The following SBK2 variants were observed in gnomAD, a reference collection of about 807,000 sequenced individuals.
The protein encoded by SBK2 is SH3 domain binding kinase family member 2, also known as serine/threonine-protein kinase SBK2.
A neutral mutation model predicts 15.9 loss-of-function variants in SBK2; 18 were observed. That is an observed-to-expected ratio of 1.13 (90% CI 0.78 to 1.68). The LOEUF (loss-of-function observed/expected upper bound fraction) is 1.68. Among genes scored for constraint, SBK2 ranks in the 40% most tolerant of loss-of-function variants. SBK2 has a pLI of 0.00. For missense variants in SBK2, 581 were observed against 510.9 expected (o/e 1.14, Z -1.32); for synonymous variants, 284 against 246.8 (o/e 1.15, Z -1.41).
At chr19:55,535,279 C>A (rs116577248) in intron 2 of SBK2, among the ~76,000 whole-genome samples, 2 of 152,052 alleles carry the variant, frequency 1.3e-5, no homozygotes, top group Non-Finnish European at 2.9e-5. Context: ...TGGAAGGACA[C>A]GGTGCTTGGC....
intron 3 of SBK2, 45 bp downstream of exon 3, chr19:55,531,098 A>G (rs1204862371): frequency 6.4e-7 from 1 of 1,559,516 alleles, no homozygotes; most frequent in South Asian, 1.1e-5. Context: ...CGTTCCTGGG[A>G]GGCCGGTGAG....
chr19:55,530,027 G>GA lies in SBK2; in HGVS notation c.752dup (p.Leu252ProfsTer247). The stretch of plus-strand genomic sequence containing the variant: ...AGCCCGTGAGGAGGCAGAAGAGCAG[G>GA]ACGCCCAGCGCCCAGGCGTCCAGGG... On this transcript the variant is annotated frameshift_variant, in exon 4 of 4. Coordinates refer to ENST00000413299, the MANE Select transcript of SBK2 (RefSeq NM_001370096.2). LOFTEE classifies it low-confidence loss of function (END_TRUNC). 6.7e-7 allele frequency: 1 copy of GA among 1,503,420 alleles called. No homozygotes were observed. The highest frequency in any genetic ancestry group is 1.3e-5 in the South Asian group (1 of 79,634). 93.1% of individuals were successfully genotyped at this position (1,503,420 alleles called of 1,614,324 possible).
chr19:55,536,313 G>A lies in SBK2; in HGVS notation c.-2-17C>T. On this transcript the variant is annotated splice_polypyrimidine_tract_variant and intron_variant, in intron 1 of 3. Coordinates refer to ENST00000413299, the MANE Select transcript of SBK2 (RefSeq NM_001370096.2). ...CGGGCATCTCTGCGAGAACAGAGAG[G>A]GGTGCCCAGGCTCAGGTCCCAGGCC... The A allele has an allele frequency of 1.3e-6, 2 of 1,515,570 alleles. No homozygotes were observed. The highest frequency in any genetic ancestry group is 2.5e-5 in the East Asian group (1 of 39,550). The allele number at this position is 1,515,570 out of a possible 1,614,324, so 93.9% of individuals were successfully genotyped here.
Position 55,529,774 on chromosome 19 carries a change from C to T in SBK2, c.1006G>A (p.Ala336Thr), listed in dbSNP as rs753161813. The T allele has an allele frequency of 7.5e-6, 12 of 1,603,254 alleles. No homozygotes were observed. The highest frequency in any genetic ancestry group is 1.6e-4 in the Middle Eastern group (1 of 6,064). ...TCTTCCACCGCTCCCACTGCCTCCGCCTCGCCCTCCCGCTGCCTCCAGGGG... is the reference window on the plus strand; with the variant it reads ...TCTTCCACCGCTCCCACTGCCTCCGTCTCGCCCTCCCGCTGCCTCCAGGGG... The part of the protein sequence containing the change: ...GRPWRQREGE[A>T]EAVGAVEEEA... Residue 336 changes from alanine (A) to threonine (T), a missense_variant, in exon 4 of 4, where the codon GCG becomes ACG. Coordinates refer to ENST00000413299, the MANE Select transcript of SBK2 (RefSeq NM_001370096.2).
At position 55,529,661 on chromosome 19, in the gene SBK2, A is replaced by G. The variant is rs1599940148; in HGVS notation, c.*72T>C. ...CCCCATGGATGAAAACACACCGAGG[A>G]GACACCAAAAGCCGTTGGCCTTGGG... On this transcript the variant is annotated 3_prime_UTR_variant, in exon 4 of 4. Transcript: ENST00000413299. 5.2e-6 allele frequency: 8 copies of G among 1,537,792 alleles called. No individual in the cohort carries two copies. The highest frequency in any genetic ancestry group is 7.0e-6 in the Non-Finnish European group (8 of 1,149,464).
rs563121358 is a variant in SBK2, at chr19:55,528,993, T to C, written c.*740A>G. 6.6e-6 allele frequency among the ~76,000 whole-genome samples: 1 copy of C among 152,302 alleles called. No homozygotes were observed. Among genetic ancestry groups the C allele is most frequent in the Non-Finnish European group, 1.5e-5 (1 of 68,020 alleles). ...ACAGTAAGCATTTACAACGCGCAGC[T>C]GTAATCCCAGCACTGCGGGAGGCCG... On this transcript the variant is annotated 3_prime_UTR_variant, in exon 4 of 4. Coordinates refer to ENST00000413299, the MANE Select transcript of SBK2 (RefSeq NM_001370096.2).
chr19:55,531,877 G>T lies in SBK2; in HGVS notation c.254-532C>A, dbSNP rs576750912. Among the ~76,000 whole-genome samples, 57 of 152,154 alleles carry T rather than the reference G, an allele frequency of 3.7e-4. 1 individual carries two copies. In the East Asian group the frequency reaches 0.011, roughly 28 times the overall value. Reference sequence around the variant, plus strand: ...GCGTGTAATCCCAGCTACTTGGCCGGCTGAGGCAGGAGAATTGCTTGAACC... The same window carrying T: ...GCGTGTAATCCCAGCTACTTGGCCGTCTGAGGCAGGAGAATTGCTTGAACC... On this transcript the variant is annotated intron_variant, in intron 2 of 3. Transcript: ENST00000413299.
rs117553446 is a variant in SBK2, at chr19:55,533,786, C to T, written c.253+2256G>A. Among the ~76,000 whole-genome samples the T allele has an allele frequency of 3.3e-5, 5 of 151,958 alleles. No homozygotes were observed. The East Asian group carries it at 9.7e-4, about 29-fold the overall frequency. On this transcript the variant is annotated intron_variant, in intron 2 of 3. Coordinates refer to ENST00000413299, the MANE Select transcript of SBK2 (RefSeq NM_001370096.2). Reference sequence around the variant, plus strand: ...TGGGGTCTCTTCTGCGTGTTCACAGCGCTCCTGATCACTGCCGCCACGGCC... The same window carrying T: ...TGGGGTCTCTTCTGCGTGTTCACAGTGCTCCTGATCACTGCCGCCACGGCC...
chr19:55,535,372 C>G (rs781421994), intron 2 of SBK2, among the ~76,000 whole-genome samples: 10 of 152,190 alleles, frequency 6.6e-5, no homozygotes, highest in Non-Finnish European at 1.0e-4. Context: ...CAGCATCACT[C>G]TGCATCATCC....
In SBK2 at chr19:55,529,097, T is replaced by TA. The variant is rs1271772531; in HGVS notation, c.*635dup. Among the ~76,000 whole-genome samples, 2 of 149,812 alleles carry TA rather than the reference T, an allele frequency of 1.3e-5. No homozygotes were observed. Among genetic ancestry groups the TA allele is most frequent in the African/African-American group, 2.5e-5 (1 of 39,292 alleles). On this transcript the variant is annotated 3_prime_UTR_variant, in exon 4 of 4. Coordinates refer to ENST00000413299, the MANE Select transcript of SBK2 (RefSeq NM_001370096.2). ...CAAGACCCGCCCCCAACCATCTTTTTAAAAAGTTAAAAATTAGCCTAGCGT... is the reference window on the plus strand; with the variant it reads ...CAAGACCCGCCCCCAACCATCTTTTTAAAAAAGTTAAAAATTAGCCTAGCGT...
At chr19:55,535,808 T>C (rs2123481806) in intron 2 of SBK2, among the ~76,000 whole-genome samples, 1 of 152,238 alleles carries the variant, frequency 6.6e-6, no homozygotes, top group East Asian at 1.9e-4. Context: ...CACTTGAACC[T>C]GGGAGGTGGA....
Position 55,530,083 on chromosome 19 carries a change from G to A in SBK2, c.697C>T (p.Pro233Ser). Reference protein sequence around the residue: ...YTAPELCAPPPLPEGLPIQPA... With the variant: ...YTAPELCAPPSLPEGLPIQPA... The stretch of plus-strand genomic sequence containing the variant: ...TGAATGGGCAGGCCCTCGGGGAGCG[G>A]CGGGGGCGCGCAGAGCTCGGGGGCC... The change falls in exon 4 of 4, where the codon CCG (proline) becomes TCG (serine). Residue 233 changes from proline (P) to serine (S), a missense_variant. Physicochemically the swap from Pro to Ser is moderately conservative, Grantham distance 74 (BLOSUM62 -1). Transcript: ENST00000413299. 1 of 1,440,272 alleles carries A rather than the reference G, an allele frequency of 6.9e-7. No homozygotes were observed. Among genetic ancestry groups the A allele is most frequent in the African/African-American group, 1.5e-5 (1 of 67,058 alleles). 89.2% of individuals were successfully genotyped at this position (1,440,272 alleles called of 1,614,324 possible).
chr19:55,529,051 A>G lies in SBK2; in HGVS notation c.*682T>C, dbSNP rs142965627. Among the ~76,000 whole-genome samples, 230 of 152,264 alleles carry G rather than the reference A, an allele frequency of 1.5e-3. No individual in the cohort carries two copies. Among genetic ancestry groups the G allele is most frequent in the African/African-American group, 5.2e-3 (217 of 41,534 alleles). On this transcript the variant is annotated 3_prime_UTR_variant, in exon 4 of 4. Coordinates refer to ENST00000413299, the MANE Select transcript of SBK2 (RefSeq NM_001370096.2). ...AGACTCGCTCCAGGCCAGGAATTTGAGACTAGCCTGAGCAACACAGCAAGA... is the reference window on the plus strand; with the variant it reads ...AGACTCGCTCCAGGCCAGGAATTTGGGACTAGCCTGAGCAACACAGCAAGA...
intron 2 of SBK2, among the ~76,000 whole-genome samples, chr19:55,531,921 G>A (rs945253075): frequency 2.0e-5 from 3 of 152,020 alleles, no homozygotes; most frequent in Admixed American, 6.5e-5. Context: ...AGAGGTTGCA[G>A]TGAGCCGAGA....
rs1178898908 is a variant in SBK2 at position 55,529,838 on chromosome 19, C to T, written c.942G>A (p.Arg314=). ...LRGLLDPHPR[R]RSAVIAIREH... is the part of the protein sequence containing the mutation. ...CCCTGATGGCGATCACAGCGCTCCT[C>T]CTTCGGGGGTGAGGGTCCAGCAGCC... The change falls in exon 4 of 4, where the codon AGG becomes AGA. Residue 314 remains arginine (R), a synonymous_variant. Transcript: ENST00000413299. 2 of 1,603,736 alleles carry T rather than the reference C, an allele frequency of 1.2e-6. No homozygotes were observed. The highest frequency in any genetic ancestry group is 2.2e-5 in the South Asian group (2 of 91,012).
Position 55,530,181 on chromosome 19 carries a change from T to C in SBK2, c.599A>G (p.Lys200Arg), listed in dbSNP as rs1988216596. 1.3e-6 allele frequency: 2 copies of C among 1,531,450 alleles called. No homozygotes were observed. Among genetic ancestry groups the C allele is most frequent in the Non-Finnish European group, 1.8e-6 (2 of 1,139,668 alleles). 94.9% of individuals were successfully genotyped at this position (1,531,450 alleles called of 1,614,324 possible). Reference protein sequence around the residue: ...LVCDPACRRFKLTDFGHTRPR... With the variant: ...LVCDPACRRFRLTDFGHTRPR... ...CCTCGTGTGGCCGAAGTCGGTCAGCTTGAAGCGCCGGCAGGCCGGGTCGCA... is the reference window on the plus strand; with the variant it reads ...CCTCGTGTGGCCGAAGTCGGTCAGCCTGAAGCGCCGGCAGGCCGGGTCGCA... Residue 200 changes from lysine (K) to arginine (R), a missense_variant, in exon 4 of 4, where the codon AAG (lysine) becomes AGG (arginine). By Grantham distance (26) the Lys-to-Arg change is conservative (BLOSUM62 2). Transcript: ENST00000413299.
intron 2 of SBK2, among the ~76,000 whole-genome samples, chr19:55,532,240 G>A (rs1211926518): frequency 6.6e-6 from 1 of 151,038 alleles, no homozygotes; most frequent in East Asian, 1.9e-4. Context: ...ATTTTGTCAC[G>A]TGTGGAAACG....
At position 55,528,805 on chromosome 19, in the gene SBK2, C is replaced by G. The variant is rs1333755086; in HGVS notation, c.*928G>C. On this transcript the variant is annotated 3_prime_UTR_variant, in exon 4 of 4. Transcript: ENST00000413299. ...TTATTTAACAGACATTTCCTGATCC[C>G]TGCTGCAGGCCATCGCTGAGTACAT... Among the ~76,000 whole-genome samples the G allele has an allele frequency of 1.3e-5, 2 of 152,200 alleles. No individual in the cohort carries two copies. The highest frequency in any genetic ancestry group is 2.9e-5 in the Non-Finnish European group (2 of 68,042).
In SBK2 at chr19:55,529,270, C is replaced by T. The variant is rs1217136146; in HGVS notation, c.*463G>A. Among the ~76,000 whole-genome samples, 2 of 152,134 alleles carry T rather than the reference C, an allele frequency of 1.3e-5. No homozygotes were observed. The highest frequency in any genetic ancestry group is 2.4e-5 in the African/African-American group (1 of 41,408). On this transcript the variant is annotated 3_prime_UTR_variant, in exon 4 of 4. Transcript: ENST00000413299. ...AATTAGCCTAGCGTGGTGGCGCATG[C>T]CTGTAGTCCCAGCTACTCAGGAGGC...
Sources: gnomAD v4.1 joint callset for allele counts (sites outside exome capture counted in the v4.1 genomes callset) on GRCh38, gnomAD v4.1.1 for gene constraint, MANE v1.5 for transcripts, NCBI Gene and HGNC (gene_info 2026-07-23, HGNC 2026-07-21) for gene names.